UIMC1: variants seen among roughly 807,000 people sequenced by gnomAD.
UIMC1 encodes the protein BRCA1-A complex subunit RAP80.
In UIMC1, 42 loss-of-function variants were observed where a neutral mutation model predicts 84.9. That is an observed-to-expected ratio of 0.49 (90% CI 0.39 to 0.64). The LOEUF (loss-of-function observed/expected upper bound fraction) is 0.64. Among genes scored for constraint, UIMC1 ranks in the 30% least tolerant of loss-of-function variants. The probability of loss-of-function intolerance (pLI) is 0.00; values close to 1 mark genes in which losing one functional copy is unlikely to be tolerated. For synonymous variants in UIMC1, 281 were observed against 293.0 expected, an observed-to-expected ratio of 0.96 and a Z score of 0.42; for missense variants, 825 against 847.6, an observed-to-expected ratio of 0.97 and a Z score of 0.33.
chr5:176,980,728 G>A (rs1172152086), intron 2 of UIMC1, among the ~76,000 whole-genome samples: 1 of 151,680 alleles, frequency 6.6e-6, no homozygotes, highest in African/African-American at 2.4e-5. Flanking sequence ...TTAATATTAA[G>A]ATGATATCCA....
At position 176,931,506 on chromosome 5, in the gene UIMC1, T is replaced by C. The variant is rs146307195; in HGVS notation, c.1597+11829A>G. On this transcript the variant is annotated intron_variant, in intron 10 of 14. Coordinates refer to ENST00000511320, the MANE Select transcript of UIMC1 (RefSeq NM_001199298.2). ...GTACAATGAATAGGGATAACTGAAG[T>C]GAAGGCAAAGTCAATATTAAGAGAG... Among the ~76,000 whole-genome samples, 1,002 of 152,200 alleles carry C rather than the reference T, an allele frequency of 6.6e-3. 8 individuals carry two copies. The highest frequency in any genetic ancestry group is 0.023 in the African/African-American group (949 of 41,534).
At position 176,958,135 on chromosome 5, in the gene UIMC1, T is replaced by A. The variant is rs1228385479; in HGVS notation, c.1220A>T (p.Glu407Val). ...AGAGTTTCCCTCTTCAGAAGTTTCT[T>A]CAACAATCCCTTGGGAAGACTGCAA... is the stretch of plus-strand genomic sequence containing the variant. ...SHGQSSQGIV[E>V]ETSEEGNSVP... Residue 407 changes from glutamate (E) to valine (V), a missense_variant, in exon 7 of 15, where the codon GAA becomes GTA. Coordinates refer to ENST00000511320, the MANE Select transcript of UIMC1 (RefSeq NM_001199298.2). 6.2e-7 allele frequency: 1 copy of A among 1,613,870 alleles called. No homozygotes were observed. The highest frequency in any genetic ancestry group is 1.1e-5 in the South Asian group (1 of 91,052).
At chr5:176,994,963 G>A (rs1773398109) in intron 1 of UIMC1, among the ~76,000 whole-genome samples, 1 of 151,764 alleles carries the variant, frequency 6.6e-6, no homozygotes, top group African/African-American at 2.4e-5. Context: ...GGCGGGGTGT[G>A]GGGGGCAGTG....
Position 176,956,089 on chromosome 5 carries a change from G to C in UIMC1, c.1263-54C>G, listed in dbSNP as rs944676390. The stretch of plus-strand genomic sequence containing the variant: ...TCCCAGTAAAATAAATCAGAACATA[G>C]AGCCAAAAGCAATGGTGAGTCACTC... On this transcript the variant is annotated intron_variant, in intron 7 of 14. Coordinates refer to ENST00000511320, the MANE Select transcript of UIMC1 (RefSeq NM_001199298.2). 5 of 1,573,232 alleles carry C rather than the reference G, an allele frequency of 3.2e-6. No homozygotes were observed. In the African/African-American group the frequency reaches 6.8e-5, roughly 21 times the overall value.
chr5:177,003,017 T>C (rs964848311), intron 1 of UIMC1, among the ~76,000 whole-genome samples: 4 of 152,104 alleles, frequency 2.6e-5, no homozygotes, highest in African/African-American at 9.7e-5. Context: ...GATACGCACC[T>C]ATAAATATTT....
intron 10 of UIMC1, among the ~76,000 whole-genome samples, chr5:176,928,328 A>G (rs1175567911): frequency 2.0e-5 from 3 of 152,150 alleles, no homozygotes; most frequent in East Asian, 1.9e-4. Context: ...TTTCAGAAAA[A>G]GTTTGCTAGA....
intron 6 of UIMC1, among the ~76,000 whole-genome samples, chr5:176,963,151 AT>A (rs1487947158): frequency 6.5e-5 from 1 of 15,410 alleles, no homozygotes; most frequent in Non-Finnish European, 9.5e-5. Flanking sequence ...CAATAAAAAA[AT>A]AAATTAAAAA....
At chr5:176,960,469 A>T (rs1767206588) in intron 6 of UIMC1, among the ~76,000 whole-genome samples, 1 of 152,216 alleles carries the variant, frequency 6.6e-6, no homozygotes, top group Non-Finnish European at 1.5e-5. Flanking sequence ...CAAGGTGAAC[A>T]TGAAAGCATG....
chr5:177,020,579 C>T (rs558999367), intron 1 of UIMC1, among the ~76,000 whole-genome samples: 3 of 152,234 alleles, frequency 2.0e-5, no homozygotes, highest in Non-Finnish European at 4.4e-5. Context: ...TACAGGCGCC[C>T]GCCACCACGC....
intron 10 of UIMC1, among the ~76,000 whole-genome samples, chr5:176,936,216 C>T (rs1763703696): frequency 1.3e-5 from 2 of 152,188 alleles, no homozygotes; most frequent in South Asian, 4.1e-4. Context: ...ACATGCTAGT[C>T]ACAATGCCTG....
At chr5:176,970,996 T>C in intron 3 of UIMC1, 130 bp from the exon 4 acceptor site, 9 of 1,259,394 alleles carry the variant, frequency 7.1e-6, no homozygotes, top group Non-Finnish European at 9.6e-6. Flanking sequence ...TTTATAATCT[T>C]GTAAATGAGG....
chr5:176,973,874 A>G (rs543165271), intron 3 of UIMC1, among the ~76,000 whole-genome samples: 5 of 152,184 alleles, frequency 3.3e-5, no homozygotes, highest in Admixed American at 1.3e-4. Context: ...CCTGGACAAC[A>G]GAGGGAGACC....
upstream of UIMC1, among the ~76,000 whole-genome samples, chr5:177,008,683 C>T (rs112800265): frequency 4.6e-5 from 7 of 152,216 alleles, 1 homozygote; most frequent in African/African-American, 1.7e-4. Context: ...GCCCTAGATC[C>T]CACAGGCTGG....
intron 4 of UIMC1, chr5:176,970,517 A>G: frequency 1.7e-6 from 1 of 588,564 alleles, no homozygotes. Context: ...ATGAACTAAA[A>G]AATCCATGGG....
At chr5:176,998,540 G>C (rs1372064457) in intron 1 of UIMC1, among the ~76,000 whole-genome samples, 1 of 149,278 alleles carries the variant, frequency 6.7e-6, no homozygotes, top group Non-Finnish European at 1.5e-5. Flanking sequence ...GGCCAAGGCG[G>C]GCGGATCACC....
chr5:176,973,969 G>C (rs931407643), intron 3 of UIMC1, among the ~76,000 whole-genome samples: 1 of 152,136 alleles, frequency 6.6e-6, no homozygotes, highest in Non-Finnish European at 1.5e-5. Flanking sequence ...GCTAAAGCTG[G>C]AGGATCACTT....
intron 1 of UIMC1, among the ~76,000 whole-genome samples, chr5:176,986,118 A>G (rs930041385): frequency 4.6e-5 from 7 of 151,756 alleles, no homozygotes; most frequent in Non-Finnish European, 8.8e-5. Context: ...TCTACAGGAT[A>G]GAAGGCCGTC....
chr5:177,007,131 G>C (rs953512972), upstream of UIMC1, among the ~76,000 whole-genome samples: 3 of 151,858 alleles, frequency 2.0e-5, no homozygotes, highest in Admixed American at 1.3e-4. Context: ...ACCTGAGGTC[G>C]GGAGTTCGAG....
intron 10 of UIMC1, among the ~76,000 whole-genome samples, chr5:176,923,812 C>A (rs1483130756): frequency 1.4e-5 from 2 of 142,528 alleles, no homozygotes; most frequent in Non-Finnish European, 3.0e-5. Flanking sequence ...TGCAGTGAGC[C>A]GAGATTGTGC....
Sources: gnomAD v4.1 joint callset for allele counts (sites outside exome capture counted in the v4.1 genomes callset) on GRCh38, gnomAD v4.1.1 for gene constraint, MANE v1.5 for transcripts, NCBI Gene and HGNC (gene_info 2026-07-23, HGNC 2026-07-21) for gene names.